Variants in TCF12 observed in about 807,000 individuals in gnomAD.
TCF12 encodes transcription factor 12, also known as DNA-binding protein HTF4.
In TCF12, 45 loss-of-function variants were observed where a neutral mutation model predicts 86.0. That is an observed-to-expected ratio of 0.52 (90% CI 0.41 to 0.67). TCF12 has a LOEUF of 0.67. Among genes scored for constraint, TCF12 ranks in the 30% least tolerant of loss-of-function variants. TCF12 has a pLI of 0.00. For synonymous variants in TCF12, 330 were observed against 299.6 expected (o/e 1.10, Z -1.05); for missense variants, 881 against 859.9 (o/e 1.02, Z -0.31).
At chr15:57,051,029 CAT>C (rs1330377231) in intron 3 of TCF12, among the ~76,000 whole-genome samples, 11 of 152,284 alleles carry the variant, frequency 7.2e-5, no homozygotes, top group South Asian at 6.2e-4. Context: ...TTTCACCACA[CAT>C]GTAGTAATTT....
chr15:56,969,442 A>C lies in TCF12; in HGVS notation c.148+48344A>C, dbSNP rs967823076. ...GAGCTGTTATTAATTGAGAATGAAG[A>C]AAACTGGAGGAACAGGTTTTGGTTT... On this transcript the variant is annotated intron_variant, in intron 3 of 20. Coordinates refer to ENST00000333725, the MANE Select transcript of TCF12 (RefSeq NM_207037.2). Among the ~76,000 whole-genome samples, 3 of 152,138 alleles carry C rather than the reference A, an allele frequency of 2.0e-5. No homozygotes were observed. The South Asian group carries it at 6.2e-4, about 32-fold the overall frequency.
At chr15:57,210,086 A>G (rs1358771485) in intron 8 of TCF12, among the ~76,000 whole-genome samples, 2 of 152,124 alleles carry the variant, frequency 1.3e-5, no homozygotes, top group East Asian at 1.9e-4. Context: ...ACTTCATACA[A>G]TCTGATATGG....
intron 3 of TCF12, among the ~76,000 whole-genome samples, chr15:57,000,401 AAC>A (rs1333300978): frequency 3.9e-5 from 6 of 152,102 alleles, no homozygotes; most frequent in African/African-American, 1.4e-4. Flanking sequence ...TTTTCTAAAT[AAC>A]ACATGGGTCA....
intron 8 of TCF12, among the ~76,000 whole-genome samples, chr15:57,224,538 C>T (rs2151888307): frequency 6.6e-6 from 1 of 152,192 alleles, no homozygotes; most frequent in South Asian, 2.1e-4. Context: ...TAATGTTCAC[C>T]TGTGTTTGTT....
At chr15:57,276,866 G>A (rs968649905) in intron 19 of TCF12, among the ~76,000 whole-genome samples, 1 of 139,338 alleles carries the variant, frequency 7.2e-6, no homozygotes, top group Non-Finnish European at 1.5e-5. Flanking sequence ...GTGTAGTGGT[G>A]TGAGCTTGGC....
Position 57,247,432 on chromosome 15 carries a change from C to T in TCF12, c.1114+3882C>T. ...ACCTCTGTCATCCAGCAGACTACATCTCTTGTTTAGAAAGGGCCTTTTTTA... is the reference window on the plus strand; with the variant it reads ...ACCTCTGTCATCCAGCAGACTACATTTCTTGTTTAGAAAGGGCCTTTTTTA... On this transcript the variant is annotated intron_variant, in intron 13 of 20. Transcript: ENST00000333725. The T allele has an allele frequency of 1.0e-5, 7 of 699,662 alleles. No individual in the cohort carries two copies. The East Asian group carries it at 1.0e-4, about 10-fold the overall frequency. 43.3% of individuals were successfully genotyped at this position (699,662 alleles called of 1,614,324 possible).
At chr15:57,130,419 A>G (rs1284813500) in intron 5 of TCF12, among the ~76,000 whole-genome samples, 2 of 152,124 alleles carry the variant, frequency 1.3e-5, no homozygotes, top group Non-Finnish European at 2.9e-5. Flanking sequence ...TTGTTTTTTA[A>G]CTTCACACAA....
chr15:57,166,650 T>A (rs1254291215), intron 6 of TCF12, among the ~76,000 whole-genome samples, 184 bp downstream of exon 6: 1 of 152,248 alleles, frequency 6.6e-6, no homozygotes, highest in Non-Finnish European at 1.5e-5. Context: ...CCAGGCTGTC[T>A]TTATCATCAA....
chr15:57,272,882 TAC>T (rs1403465670), intron 18 of TCF12, 146 bp from the exon 19 acceptor site: 28 of 720,770 alleles, frequency 3.9e-5, no homozygotes, highest in Admixed American at 2.0e-4. Flanking sequence ...GAAAGGAATA[TAC>T]AGTCATGTTA....
chr15:57,282,985 A>G (rs181268151), intron 20 of TCF12, among the ~76,000 whole-genome samples: 4 of 152,304 alleles, frequency 2.6e-5, no homozygotes, highest in African/African-American at 9.6e-5. Context: ...ATCATCAACC[A>G]GTTTTCTGCC....
chr15:57,289,202 C>G lies in TCF12; in HGVS notation c.*3057C>G, dbSNP rs532072251. 2 of 152,250 alleles carry G rather than the reference C, an allele frequency of 1.3e-5. No homozygotes were observed. The highest frequency in any genetic ancestry group is 4.1e-4 in the South Asian group (2 of 4,822). 9.4% of individuals were successfully genotyped at this position (152,250 alleles called of 1,614,324 possible). ...GAAATCCACTGTTCACATTGGGTGCCTAACAGAACATTTTGCTTCTTGTGG... is the reference window on the plus strand; with the variant it reads ...GAAATCCACTGTTCACATTGGGTGCGTAACAGAACATTTTGCTTCTTGTGG... On this transcript the variant is annotated 3_prime_UTR_variant, in exon 21 of 21. Transcript: ENST00000333725.
chr15:57,086,212 G>GATAATAATAACAATAATA (rs2048614913), intron 4 of TCF12, among the ~76,000 whole-genome samples: 1 of 141,622 alleles, frequency 7.1e-6, no homozygotes, highest in African/African-American at 2.6e-5. Flanking sequence ...GGATGATGAT[G>GATAATAATAACAATAATA]ATAATAATAA....
chr15:56,935,053 C>T (rs2060408483), intron 3 of TCF12, among the ~76,000 whole-genome samples: 1 of 152,136 alleles, frequency 6.6e-6, no homozygotes, highest in African/African-American at 2.4e-5. Flanking sequence ...AAACTAAAGA[C>T]CTTGGAAACG....
chr15:57,022,072 A>ATGTATGTATGTG (rs1271490772), intron 3 of TCF12, among the ~76,000 whole-genome samples: 1 of 151,940 alleles, frequency 6.6e-6, no homozygotes, highest in African/African-American at 2.4e-5. Context: ...GTATGTATGT[A>ATGTATGTATGTG]TGTATGTATT....
At chr15:57,282,105 G>A (rs144956783) in intron 19 of TCF12, 6,189 of 334,690 alleles carry the variant, frequency 0.018, 64 homozygotes, top group Non-Finnish European at 0.025. Flanking sequence ...TCAATTCAGT[G>A]TACCGTGTCT....
chr15:57,047,778 A>G (rs766224719), intron 3 of TCF12, among the ~76,000 whole-genome samples: 13 of 152,184 alleles, frequency 8.5e-5, no homozygotes, highest in Non-Finnish European at 1.2e-4. Flanking sequence ...AATAACGGCC[A>G]TATGTTTTGA....
At chr15:57,192,621 C>T (rs913714485) in intron 7 of TCF12, among the ~76,000 whole-genome samples, 2 of 152,152 alleles carry the variant, frequency 1.3e-5, no homozygotes, top group African/African-American at 4.8e-5. Flanking sequence ...CTCCTGATCT[C>T]AAGTGATCTG....
At chr15:57,192,740 G>A (rs1170622592) in intron 7 of TCF12, among the ~76,000 whole-genome samples, 2 of 152,286 alleles carry the variant, frequency 1.3e-5, no homozygotes, top group South Asian at 2.1e-4. Flanking sequence ...TCACATTGAT[G>A]TCAGGGCTTA....
At chr15:56,985,787 G>GT (rs1418830301) in intron 3 of TCF12, among the ~76,000 whole-genome samples, 1 of 152,106 alleles carries the variant, frequency 6.6e-6, no homozygotes. Context: ...TTAATTCTGA[G>GT]TAATTGTTTT....
Sources: allele counts gnomAD v4.1 joint callset (sites outside exome capture counted in the v4.1 genomes callset), GRCh38; gene constraint gnomAD v4.1.1; transcripts MANE v1.5; gene names NCBI Gene and HGNC (gene_info 2026-07-23, HGNC 2026-07-21).